Variants in CPED1 observed in about 807,000 individuals in gnomAD.
CPED1 encodes cadherin like and PC-esterase domain containing 1, also known as cadherin-like and PC-esterase domain-containing protein 1.
Under a neutral mutation model 128.2 loss-of-function variants are expected in CPED1, and 114 were observed. The ratio of observed to expected loss-of-function variants is 0.89; its 90% CI spans 0.76 to 1.04. CPED1 has a LOEUF of 1.04. Ranked by LOEUF, CPED1 falls within the 50% of genes least tolerant of loss-of-function variation. The pLI is 0.00. For missense variants in CPED1, 1,211 were observed against 1,207.1 expected, an observed-to-expected ratio of 1.00 and a Z score of -0.05; for synonymous variants, 462 against 426.7, an observed-to-expected ratio of 1.08 and a Z score of -1.02.
chr7:121,008,042 T>C lies in CPED1; in HGVS notation c.250-7623T>C, dbSNP rs141697780. Among the ~76,000 whole-genome samples the C allele has an allele frequency of 2.7e-4, 41 of 152,230 alleles. 1 individual carries two copies. The East Asian group carries it at 6.4e-3, about 24-fold the overall frequency. On this transcript the variant is annotated intron_variant, in intron 2 of 22. Coordinates refer to ENST00000310396, the MANE Select transcript of CPED1 (RefSeq NM_024913.5). Reference sequence around the variant, plus strand: ...TTTTCTGCAATATGGAAGGGGTGGCTTGCGGTTTTTAGAAAATACTGCGAT... The same window carrying C: ...TTTTCTGCAATATGGAAGGGGTGGCCTGCGGTTTTTAGAAAATACTGCGAT...
At chr7:121,021,374 A>C (rs1410256495) in intron 3 of CPED1, among the ~76,000 whole-genome samples, 2 of 151,992 alleles carry the variant, frequency 1.3e-5, no homozygotes, top group Non-Finnish European at 2.9e-5. Flanking sequence ...CTTGATATTT[A>C]GTATAATTTT....
chr7:121,011,443 G>T (rs1719787399), intron 2 of CPED1, among the ~76,000 whole-genome samples: 1 of 151,950 alleles, frequency 6.6e-6, no homozygotes, highest in African/African-American at 2.4e-5. Context: ...AAATAAATTT[G>T]TTAATACAAG....
intron 2 of CPED1, chr7:120,993,883 C>A: frequency 4.1e-6 from 1 of 246,578 alleles, no homozygotes; most frequent in South Asian, 3.4e-5. Flanking sequence ...ATTGGAGTCC[C>A]TCTCATGGTA....
intron 19 of CPED1, 111 bp from the exon 20 acceptor site, chr7:121,266,596 A>G (rs1584642959): frequency 8.6e-7 from 1 of 1,156,328 alleles, no homozygotes; most frequent in East Asian, 2.4e-5. Context: ...TGGAAAGTAC[A>G]AGGAGTCTTA....
In CPED1 at chr7:120,989,517, A is replaced by T; in HGVS notation, c.-105A>T. ...GCAGGGATGAAGCAAACTTGATTGG[A>T]GTTGGGGAAAAAGAAGACAGATTAG... On this transcript the variant is annotated 5_prime_UTR_variant, in exon 2 of 23. Transcript: ENST00000310396. The T allele has an allele frequency of 7.0e-7, 1 of 1,430,452 alleles. No homozygotes were observed. Among genetic ancestry groups the T allele is most frequent in the Non-Finnish European group, 9.5e-7 (1 of 1,050,514 alleles). The allele number at this position is 1,430,452 out of a possible 1,614,324, so 88.6% of individuals were successfully genotyped here. A position where few individuals can be genotyped will look rare whatever the true frequency, so the allele number is the denominator to read the frequency against.
intron 16 of CPED1, among the ~76,000 whole-genome samples, chr7:121,233,927 C>A (rs1427927364): frequency 6.6e-6 from 1 of 151,958 alleles, no homozygotes; most frequent in African/African-American, 2.4e-5. Flanking sequence ...TGCTTCATGG[C>A]CACAAGATGG....
At chr7:121,264,655 G>A (rs532410338) in intron 18 of CPED1, among the ~76,000 whole-genome samples, 2 of 151,848 alleles carry the variant, frequency 1.3e-5, no homozygotes, top group African/African-American at 4.8e-5. Context: ...TCTGCAGATG[G>A]ACAAATACAG....
chr7:121,171,269 C>G (rs1030313174), intron 16 of CPED1, among the ~76,000 whole-genome samples: 2 of 152,088 alleles, frequency 1.3e-5, no homozygotes, highest in Non-Finnish European at 2.9e-5. Context: ...AACTTAAATT[C>G]CTGCCTTTAA....
chr7:121,286,442 C>A (rs2116781359), intron 22 of CPED1, among the ~76,000 whole-genome samples: 1 of 152,290 alleles, frequency 6.6e-6, no homozygotes, highest in East Asian at 1.9e-4. Flanking sequence ...AATGCCCTGC[C>A]TGTCAGTGCA....
intron 10 of CPED1, among the ~76,000 whole-genome samples, chr7:121,127,686 C>A (rs1795540436): frequency 6.6e-6 from 1 of 151,798 alleles, no homozygotes; most frequent in South Asian, 2.1e-4. Flanking sequence ...CAGGCATGCA[C>A]CACCAAACCC....
At chr7:120,992,812 T>G (rs544418969) in intron 2 of CPED1, among the ~76,000 whole-genome samples, 1 of 152,212 alleles carries the variant, frequency 6.6e-6, no homozygotes, top group Admixed American at 6.5e-5. Flanking sequence ...GAAGACCTTT[T>G]GTACTTTGTC....
chr7:121,065,406 G>C (rs2116058574), intron 5 of CPED1, among the ~76,000 whole-genome samples: 1 of 151,980 alleles, frequency 6.6e-6, no homozygotes, highest in Non-Finnish European at 1.5e-5. Context: ...GTAATGTTTT[G>C]GGGAGAAGCA....
intron 6 of CPED1, 113 bp downstream of exon 6, chr7:121,097,944 C>T (rs1457255127): frequency 9.4e-7 from 1 of 1,061,662 alleles, no homozygotes; most frequent in Non-Finnish European, 1.3e-6. Flanking sequence ...ATTAGTTTCT[C>T]TTACATAAAT....
At chr7:121,065,014 C>T (rs1361176187) in intron 5 of CPED1, among the ~76,000 whole-genome samples, 2 of 152,140 alleles carry the variant, frequency 1.3e-5, no homozygotes, top group African/African-American at 4.8e-5. Context: ...ATAATTAAAA[C>T]TTAGATCTAC....
chr7:121,267,362 A>G (rs970354349), intron 21 of CPED1, 60 bp downstream of exon 21: 1 of 973,516 alleles, frequency 1.0e-6, no homozygotes, highest in Non-Finnish European at 1.6e-6. Flanking sequence ...TCCCTGCTGG[A>G]AAAAGACCCG....
intron 2 of CPED1, among the ~76,000 whole-genome samples, chr7:121,000,766 C>T (rs550175147): frequency 5.3e-5 from 8 of 152,260 alleles, no homozygotes; most frequent in Admixed American, 3.9e-4. Context: ...AATAAGAAGC[C>T]TAGCAGATCA....
intron 5 of CPED1, among the ~76,000 whole-genome samples, chr7:121,082,706 A>G (rs1329458405): frequency 6.6e-6 from 1 of 152,236 alleles, no homozygotes; most frequent in African/African-American, 2.4e-5. Context: ...GAAGCCTTCA[A>G]GAACCTCTGG....
chr7:121,116,941 A>ACTCT (rs200040453), intron 7 of CPED1, among the ~76,000 whole-genome samples: 3 of 129,480 alleles, frequency 2.3e-5, no homozygotes, highest in Non-Finnish European at 4.9e-5. Context: ...CAACATAGAA[A>ACTCT]CTCTCTCTCT....
intron 16 of CPED1, among the ~76,000 whole-genome samples, chr7:121,199,274 A>G (rs1797334511): frequency 6.6e-6 from 1 of 152,116 alleles, no homozygotes; most frequent in Admixed American, 6.6e-5. Context: ...AAGAGTGTGA[A>G]CACCTTGGAG....
Sources: gnomAD v4.1 joint callset for allele counts (sites outside exome capture counted in the v4.1 genomes callset) on GRCh38, gnomAD v4.1.1 for gene constraint, MANE v1.5 for transcripts, NCBI Gene and HGNC (gene_info 2026-07-23, HGNC 2026-07-21) for gene names.